The following CD82 variants were observed in gnomAD, a reference collection of about 807,000 sequenced individuals.
CD82 encodes the protein CD82 molecule.
CD82 carries 36 observed loss-of-function variants against 37.4 expected under a neutral mutation model. The ratio of observed to expected loss-of-function variants is 0.96; its 90% confidence interval spans 0.74 to 1.27. The LOEUF (loss-of-function observed/expected upper bound fraction) is 1.27. CD82 is among the 50% of genes most tolerant of loss of function. The pLI is 0.00. For missense variants in CD82, 340 were observed against 347.0 expected (o/e 0.98, Z 0.16); for synonymous variants, 158 against 137.4 (o/e 1.15, Z -1.05).
At position 44,619,028 on chromosome 11, in the gene CD82, AC is replaced by A. The variant is rs774858159; in HGVS notation, c.727-20del. On this transcript the variant is annotated intron_variant, in intron 9 of 9. Transcript: ENST00000227155. ...GGCCGGGACACCCAGCCTCCCTCTG[AC>A]TCTCCGCCTCTCCCCACAGCTCCTG... is the stretch of plus-strand genomic sequence containing the variant. 8 of 1,609,698 alleles carry A rather than the reference AC, an allele frequency of 5.0e-6. No individual in the cohort carries two copies. The East Asian group carries it at 6.7e-5, about 13-fold the overall frequency.
In CD82 at chr11:44,605,093, G is replaced by A. The variant is rs375078073; in HGVS notation, c.172G>A (p.Val58Ile). 6.8e-6 allele frequency: 11 copies of A among 1,614,242 alleles called. No homozygotes were observed. Among genetic ancestry groups the A allele is most frequent in the Non-Finnish European group, 7.6e-6 (9 of 1,180,048 alleles). The part of the protein sequence containing the change: ...SSSSLRMGAY[V>I]FIGVGAVTML... ...CAGCTCGCTTAGGATGGGGGCCTATGTCTTCATCGGCGTGGGGGCAGTCAC... is the reference window on the plus strand; with the variant it reads ...CAGCTCGCTTAGGATGGGGGCCTATATCTTCATCGGCGTGGGGGCAGTCAC... The change falls in exon 5 of 10, where the codon GTC (valine) becomes ATC (isoleucine). Residue 58 changes from valine to isoleucine, a missense_variant. Transcript: ENST00000227155.
chr11:44,576,439 T>C (rs550247573), intron 1 of CD82, among the ~76,000 whole-genome samples: 7 of 152,170 alleles, frequency 4.6e-5, no homozygotes, highest in Non-Finnish European at 1.0e-4. Context: ...GGGCTTTTGA[T>C]TTCAAACTCA....
chr11:44,575,632 G>A (rs1852880349), intron 1 of CD82, among the ~76,000 whole-genome samples: 1 of 152,262 alleles, frequency 6.6e-6, no homozygotes. Flanking sequence ...TAAAGTAGTG[G>A]GATGGGGCAG....
At chr11:44,567,276 A>G (rs1852749605) in intron 1 of CD82, among the ~76,000 whole-genome samples, 1 of 152,182 alleles carries the variant, frequency 6.6e-6, no homozygotes, top group Admixed American at 6.5e-5. Flanking sequence ...GTGCTGCATT[A>G]TATTGGCTCC....
At chr11:44,618,463 C>A in intron 8 of CD82, 98 bp downstream of exon 8, 1 of 1,152,882 alleles carries the variant, frequency 8.7e-7, no homozygotes, top group Non-Finnish European at 1.3e-6. Context: ...AGTTCCTTCC[C>A]TTAATTCATC....
intron 4 of CD82, among the ~76,000 whole-genome samples, chr11:44,601,662 C>T (rs1443638695): frequency 6.6e-6 from 1 of 152,176 alleles, no homozygotes; most frequent in Admixed American, 6.5e-5. Flanking sequence ...TGGCCTCCTC[C>T]CTGTTCGGGT....
At chr11:44,577,184 T>G (rs1852905079) in intron 1 of CD82, among the ~76,000 whole-genome samples, 1 of 152,108 alleles carries the variant, frequency 6.6e-6, no homozygotes, top group Admixed American at 6.5e-5. Context: ...CTTGGTGCTG[T>G]GGGGAAGGAG....
intron 1 of CD82, among the ~76,000 whole-genome samples, chr11:44,586,554 G>A (rs1487345005): frequency 1.3e-5 from 2 of 152,188 alleles, no homozygotes; most frequent in African/African-American, 2.4e-5. Flanking sequence ...TCTATGGGAG[G>A]CTGAGGCAGG....
At chr11:44,592,339 G>A (rs1028237954) in intron 2 of CD82, among the ~76,000 whole-genome samples, 2 of 152,254 alleles carry the variant, frequency 1.3e-5, no homozygotes, top group Non-Finnish European at 2.9e-5. Flanking sequence ...TTTGTTGGCG[G>A]ACTGCAGTTA....
At chr11:44,577,571 G>A (rs1444114847) in intron 1 of CD82, among the ~76,000 whole-genome samples, 2 of 152,182 alleles carry the variant, frequency 1.3e-5, no homozygotes, top group African/African-American at 4.8e-5. Flanking sequence ...ATGCATGCTA[G>A]GGAAAGGTTA....
At chr11:44,593,294 C>T (rs966018528) in intron 2 of CD82, among the ~76,000 whole-genome samples, 10 of 152,246 alleles carry the variant, frequency 6.6e-5, no homozygotes, top group African/African-American at 2.4e-4. Context: ...GCTCTGTGGC[C>T]TGCCCTTCCC....
At chr11:44,609,652 G>A (rs3758814) in intron 6 of CD82, among the ~76,000 whole-genome samples, 62,191 of 152,048 alleles carry the variant, frequency 0.41, 13,072 homozygotes, top group African/African-American at 0.44. Flanking sequence ...GTGGCGAGAC[G>A]GGTTCCTAGG....
At chr11:44,576,887 G>C (rs11605647) in intron 1 of CD82, among the ~76,000 whole-genome samples, 2 of 151,818 alleles carry the variant, frequency 1.3e-5, no homozygotes, top group Admixed American at 6.6e-5. Context: ...CCCGTGGGCA[G>C]TTGAGGGATG....
intron 1 of CD82, among the ~76,000 whole-genome samples, chr11:44,572,887 G>A (rs1852834125): frequency 6.8e-6 from 1 of 147,776 alleles, no homozygotes; most frequent in Non-Finnish European, 1.5e-5. Context: ...CTTGCTGACT[G>A]GCCTGTCCTG....
upstream of CD82, chr11:44,565,564 C>A (rs1362036262): frequency 2.7e-5 from 3 of 109,592 alleles, no homozygotes; most frequent in African/African-American, 4.0e-5. Flanking sequence ...GCGGGGCCGG[C>A]GGAGGGGGCG....
intron 4 of CD82, among the ~76,000 whole-genome samples, chr11:44,602,491 G>C (rs923316292): frequency 6.6e-6 from 1 of 152,174 alleles, no homozygotes; most frequent in Non-Finnish European, 1.5e-5. Context: ...TAATCCTTTT[G>C]CCATCTTCAA....
intron 1 of CD82, among the ~76,000 whole-genome samples, chr11:44,578,074 A>G (rs2134627706): frequency 6.6e-6 from 1 of 152,288 alleles, no homozygotes; most frequent in East Asian, 1.9e-4. Flanking sequence ...ATCACACATG[A>G]TCGGCAAACA....
intron 6 of CD82, among the ~76,000 whole-genome samples, chr11:44,612,465 T>A (rs1853496723): frequency 6.6e-6 from 1 of 151,876 alleles, no homozygotes; most frequent in African/African-American, 2.4e-5. Flanking sequence ...TGATAAAAGT[T>A]AGCCACTATT....
intron 1 of CD82, among the ~76,000 whole-genome samples, chr11:44,582,158 C>T (rs1001915213): frequency 4.8e-5 from 7 of 146,580 alleles, no homozygotes; most frequent in African/African-American, 1.3e-4. Flanking sequence ...GCCAGTGCCG[C>T]CACCCTCCTG....
Sources: gnomAD v4.1 joint callset for allele counts (sites outside exome capture counted in the v4.1 genomes callset) on GRCh38, gnomAD v4.1.1 for gene constraint, MANE v1.5 for transcripts, NCBI Gene and HGNC (gene_info 2026-07-23, HGNC 2026-07-21) for gene names.